Variants in UBASH3A observed in about 807,000 individuals in gnomAD.
UBASH3A encodes the protein ubiquitin-associated and SH3 domain-containing protein A.
UBASH3A carries 63 observed loss-of-function variants against 73.5 expected under a neutral mutation model. The ratio of observed to expected loss-of-function variants is 0.86; its 90% CI spans 0.70 to 1.06. The LOEUF is 1.06. UBASH3A is among the 50% of genes least tolerant of loss of function. UBASH3A has a pLI of 0.00. For synonymous variants in UBASH3A, 363 were observed against 351.1 expected, an observed-to-expected ratio of 1.03 and a Z score of -0.38; for missense variants, 860 against 859.0, an observed-to-expected ratio of 1.00 and a Z score of -0.02.
chr21:42,439,951 G>A (rs113385330), intron 11 of UBASH3A, among the ~76,000 whole-genome samples: 3 of 84,034 alleles, frequency 3.6e-5, no homozygotes, highest in Non-Finnish European at 7.1e-5. Context: ...CCACACACAC[G>A]ACACACACCA....
intron 6 of UBASH3A, chr21:42,417,388 C>T (rs1483041171): frequency 3.2e-5 from 4 of 125,878 alleles, no homozygotes; most frequent in Non-Finnish European, 6.2e-5. Flanking sequence ...CGTACCGTTG[C>T]ACTCCAGCCT....
intron 7 of UBASH3A, among the ~76,000 whole-genome samples, chr21:42,419,043 G>A (rs1437766908): frequency 6.6e-6 from 1 of 152,196 alleles, no homozygotes; most frequent in Non-Finnish European, 1.5e-5. Flanking sequence ...GTATTTATGG[G>A]TTGAGAGTCA....
intron 13 of UBASH3A, among the ~76,000 whole-genome samples, chr21:42,444,281 G>A (rs373357955): frequency 2.6e-5 from 4 of 152,366 alleles, no homozygotes; most frequent in East Asian, 1.9e-4. Flanking sequence ...GCGACCACAG[G>A]GGGTGGCTCA....
chr21:42,418,506 G>T lies in UBASH3A; in HGVS notation c.943G>T (p.Glu315Ter). The T allele has an allele frequency of 1.2e-6, 2 of 1,614,242 alleles. No individual in the cohort carries two copies. Among genetic ancestry groups the T allele is most frequent in the Non-Finnish European group, 1.7e-6 (2 of 1,180,028 alleles). ...VDPTQQDEAS[E>*]GWVIGISQRT... Reference sequence around the variant, plus strand: ...CCCCACGCAGCAGGACGAAGCCAGCGAGGGCTGGGTGATTGGGATCTCACA... The same window carrying T: ...CCCCACGCAGCAGGACGAAGCCAGCTAGGGCTGGGTGATTGGGATCTCACA... The change falls in exon 7 of 15, where the codon GAG (glutamate) becomes TAG (stop). Residue 315 changes from glutamate to a stop codon, truncating the protein, a stop_gained. Coordinates refer to ENST00000319294, the MANE Select transcript of UBASH3A (RefSeq NM_018961.4). LOFTEE classifies it high-confidence loss of function.
intron 5 of UBASH3A, among the ~76,000 whole-genome samples, chr21:42,414,340 C>A (rs939573407): frequency 6.6e-6 from 1 of 152,110 alleles, no homozygotes; most frequent in African/African-American, 2.4e-5. Flanking sequence ...AGAAAGTCGC[C>A]CCCGGTCTTT....
At chr21:42,428,433 C>T (rs1202073297) in intron 8 of UBASH3A, among the ~76,000 whole-genome samples, 7 of 152,032 alleles carry the variant, frequency 4.6e-5, no homozygotes, top group Admixed American at 4.6e-4. Context: ...GAGAAAGGCC[C>T]AGACTTGGGA....
At chr21:42,409,387 G>T in intron 2 of UBASH3A, 35 bp from the exon 3 acceptor site, 1 of 1,513,388 alleles carries the variant, frequency 6.6e-7, no homozygotes, top group South Asian at 1.3e-5. Context: ...TTTTTGTTGT[G>T]ACAGTGGGTG....
At chr21:42,414,572 T>C (rs2040675796) in intron 5 of UBASH3A, among the ~76,000 whole-genome samples, 2 of 151,834 alleles carry the variant, frequency 1.3e-5, no homozygotes, top group Admixed American at 6.6e-5. Context: ...GCAGATGCGA[T>C]TGGTTGGGAG....
At position 42,447,213 on chromosome 21, in the gene UBASH3A, C is replaced by A. The variant is rs745643016; in HGVS notation, c.*19C>A. ...CAACTGAGAGCCACGGTGATGTTGT[C>A]ATAACCTCAGAGTGGAGAGGCAGAA... On this transcript the variant is annotated 3_prime_UTR_variant, in exon 15 of 15. Coordinates refer to ENST00000319294, the MANE Select transcript of UBASH3A (RefSeq NM_018961.4). 1.1e-5 allele frequency: 18 copies of A among 1,611,430 alleles called. No homozygotes were observed. In the Middle Eastern group the frequency reaches 6.6e-4, roughly 59 times the overall value.
intron 11 of UBASH3A, among the ~76,000 whole-genome samples, chr21:42,440,682 C>A (rs1176117964): frequency 6.6e-6 from 1 of 152,220 alleles, no homozygotes; most frequent in African/African-American, 2.4e-5. Flanking sequence ...CCTGTGCCTG[C>A]CAGGCCAGCA....
intron 13 of UBASH3A, among the ~76,000 whole-genome samples, chr21:42,444,292 G>C (rs1250043292): frequency 6.6e-5 from 10 of 152,326 alleles, no homozygotes; most frequent in African/African-American, 2.4e-4. Context: ...GGGTGGCTCA[G>C]CTCACTTCCT....
At chr21:42,415,128 G>T (rs1198754031) in intron 5 of UBASH3A, among the ~76,000 whole-genome samples, 1 of 152,200 alleles carries the variant, frequency 6.6e-6, no homozygotes, top group Non-Finnish European at 1.5e-5. Flanking sequence ...CCTTGCCCGC[G>T]TTGGTCCTCC....
At chr21:42,418,201 C>A (rs2053260426) in intron 6 of UBASH3A, among the ~76,000 whole-genome samples, 200 bp from the exon 7 acceptor site, 1 of 152,164 alleles carries the variant, frequency 6.6e-6, no homozygotes. Flanking sequence ...ATTTCTAAAT[C>A]TATCCAAAGA....
At chr21:42,435,023 C>A in intron 10 of UBASH3A, 69 bp downstream of exon 10, 1 of 1,566,408 alleles carries the variant, frequency 6.4e-7, no homozygotes, top group Non-Finnish European at 8.7e-7. Flanking sequence ...TAGCAGGCAT[C>A]CAGCCTGAGC....
intron 13 of UBASH3A, 116 bp downstream of exon 13, chr21:42,443,534 C>T (rs2053789753): frequency 2.4e-6 from 2 of 842,100 alleles, no homozygotes; most frequent in Admixed American, 5.7e-5. Flanking sequence ...CCTGCCTGCC[C>T]CCGCCCCCAT....
intron 14 of UBASH3A, among the ~76,000 whole-genome samples, 174 bp downstream of exon 14, chr21:42,444,817 C>T (rs550762953): frequency 2.0e-5 from 3 of 152,350 alleles, no homozygotes; most frequent in African/African-American, 4.8e-5. Flanking sequence ...TGACTTCGGG[C>T]TGGGGCTGGT....
chr21:42,435,347 G>A (rs117869030), intron 10 of UBASH3A: 130 of 159,612 alleles, frequency 8.1e-4, no homozygotes, highest in Non-Finnish European at 1.4e-3. Context: ...CATGTCTGGC[G>A]GTTCTGCTTC....
At chr21:42,445,614 A>G (rs1336156496) in intron 14 of UBASH3A, among the ~76,000 whole-genome samples, 1 of 152,220 alleles carries the variant, frequency 6.6e-6, no homozygotes, top group Non-Finnish European at 1.5e-5. Context: ...CAGCAGCCAG[A>G]TGAGAGGTTA....
At chr21:42,409,297 A>G in intron 2 of UBASH3A, 125 bp from the exon 3 acceptor site, 2 of 956,706 alleles carry the variant, frequency 2.1e-6, no homozygotes, top group Non-Finnish European at 3.1e-6. Flanking sequence ...TCATGAGCAT[A>G]TATGATGTCT....
Sources: allele counts gnomAD v4.1 joint callset (sites outside exome capture counted in the v4.1 genomes callset), GRCh38; gene constraint gnomAD v4.1.1; transcripts MANE v1.5; gene names NCBI Gene and HGNC (gene_info 2026-07-23, HGNC 2026-07-21).